Variants in FNDC3B observed in about 807,000 individuals in gnomAD.
The protein encoded by FNDC3B is fibronectin type III domain containing 3B, also known as fibronectin type III domain-containing protein 3B.
A neutral mutation model predicts 151.5 loss-of-function variants in FNDC3B; 12 were observed. The ratio of observed to expected loss-of-function variants is 0.08; its 90% confidence interval spans 0.05 to 0.13. FNDC3B has a LOEUF of 0.13. Ranked by LOEUF, FNDC3B falls within the 10% of genes least tolerant of loss-of-function variation. The probability of loss-of-function intolerance (pLI) is 1.00; values close to 1 mark genes in which losing one functional copy is unlikely to be tolerated. For missense variants in FNDC3B, 1,214 were observed against 1,505.3 expected, an observed-to-expected ratio of 0.81 and a Z score of 3.20; for synonymous variants, 528 against 549.0, an observed-to-expected ratio of 0.96 and a Z score of 0.54.
intron 1 of FNDC3B, among the ~76,000 whole-genome samples, chr3:172,109,877 TG>T (rs1559969976): frequency 6.6e-6 from 1 of 152,306 alleles, no homozygotes; most frequent in African/African-American, 2.4e-5. Flanking sequence ...TTGGTTTATT[TG>T]GGGGGTAAAA....
chr3:172,274,200 C>A (rs1298884460), intron 6 of FNDC3B, among the ~76,000 whole-genome samples: 1 of 152,172 alleles, frequency 6.6e-6, no homozygotes, highest in Non-Finnish European at 1.5e-5. Flanking sequence ...CTTTGGATTT[C>A]CAAACTGACC....
At chr3:172,094,203 A>C (rs983527368) in intron 1 of FNDC3B, among the ~76,000 whole-genome samples, 6 of 146,984 alleles carry the variant, frequency 4.1e-5, no homozygotes, top group Admixed American at 1.4e-4. Flanking sequence ...TGTAACCACC[A>C]CCACTAGCAA....
intron 2 of FNDC3B, among the ~76,000 whole-genome samples, chr3:172,123,805 T>G (rs1576885871): frequency 6.6e-6 from 1 of 152,218 alleles, no homozygotes; most frequent in Admixed American, 6.5e-5. Flanking sequence ...AAAACTATAA[T>G]ATAAAATATT....
Position 172,155,631 on chromosome 3 carries a change from C to T in FNDC3B, c.187+22085C>T, listed in dbSNP as rs779920566. ...CTGGAAGCCATTTTCTCCTATTGCT[C>T]GCCTCTAACTCAGTCAACAGAAGCC... On this transcript the variant is annotated intron_variant, in intron 3 of 25. Transcript: ENST00000415807. Among the ~76,000 whole-genome samples, 23 of 152,164 alleles carry T rather than the reference C, an allele frequency of 1.5e-4. 1 individual carries two copies. Among genetic ancestry groups the T allele is most frequent in the Non-Finnish European group, 2.9e-4 (20 of 68,034 alleles).
At chr3:172,096,571 T>A (rs914018308) in intron 1 of FNDC3B, among the ~76,000 whole-genome samples, 1 of 152,166 alleles carries the variant, frequency 6.6e-6, no homozygotes. Context: ...AAAATGTGAT[T>A]TAGGAACCAG....
intron 22 of FNDC3B, among the ~76,000 whole-genome samples, chr3:172,359,285 A>G (rs1468398787): frequency 6.6e-6 from 1 of 152,164 alleles, no homozygotes; most frequent in Non-Finnish European, 1.5e-5. Context: ...TGAGTATAGA[A>G]TAGAACAACA....
chr3:172,233,546 G>T (rs560434046), intron 4 of FNDC3B, among the ~76,000 whole-genome samples: 5 of 152,344 alleles, frequency 3.3e-5, no homozygotes, highest in African/African-American at 9.6e-5. Flanking sequence ...TGGAGAAACA[G>T]TGGGGCCTGT....
intron 3 of FNDC3B, among the ~76,000 whole-genome samples, chr3:172,159,368 C>T (rs2108614888): frequency 6.6e-6 from 1 of 152,260 alleles, no homozygotes; most frequent in East Asian, 1.9e-4. Flanking sequence ...TCACTGTATC[C>T]CTCCTCCCAC....
chr3:172,292,406 T>C (rs371309868), intron 7 of FNDC3B, among the ~76,000 whole-genome samples: 29 of 152,302 alleles, frequency 1.9e-4, no homozygotes, highest in African/African-American at 5.5e-4. Context: ...AGGGAAAAAG[T>C]GAATGTTATT....
intron 3 of FNDC3B, among the ~76,000 whole-genome samples, chr3:172,198,319 C>G (rs1724956903): frequency 6.6e-6 from 1 of 152,134 alleles, no homozygotes; most frequent in Admixed American, 6.5e-5. Flanking sequence ...CTCCAAAACT[C>G]TTAGTGGATA....
chr3:172,172,234 G>A (rs993764908), intron 3 of FNDC3B, among the ~76,000 whole-genome samples: 8 of 152,068 alleles, frequency 5.3e-5, no homozygotes, highest in Non-Finnish European at 4.4e-5. Flanking sequence ...TCTATTTCTT[G>A]TTTGTTGCTT....
chr3:172,383,843 A>G (rs1034426120), intron 25 of FNDC3B, among the ~76,000 whole-genome samples: 2 of 152,354 alleles, frequency 1.3e-5, no homozygotes, highest in East Asian at 1.9e-4. Flanking sequence ...GGCTTTCATA[A>G]TAGTCCCTAG....
chr3:172,233,671 G>A (rs116049907), intron 4 of FNDC3B, among the ~76,000 whole-genome samples: 60 of 152,266 alleles, frequency 3.9e-4, no homozygotes, highest in African/African-American at 1.4e-3. Context: ...TTAAACCACT[G>A]CTTTGTTTCA....
intron 1 of FNDC3B, among the ~76,000 whole-genome samples, chr3:172,110,764 C>G (rs145755026): frequency 6.6e-6 from 1 of 152,180 alleles, no homozygotes; most frequent in Non-Finnish European, 1.5e-5. Flanking sequence ...GATCCTTATA[C>G]TCAGACCCCC....
chr3:172,136,957 G>A (rs13088148), intron 3 of FNDC3B, among the ~76,000 whole-genome samples: 1 of 152,124 alleles, frequency 6.6e-6, no homozygotes, highest in Non-Finnish European at 1.5e-5. Flanking sequence ...CCTGACCTCA[G>A]CCTTCCAAAG....
intron 11 of FNDC3B, among the ~76,000 whole-genome samples, chr3:172,314,855 C>A (rs549116922): frequency 2.4e-4 from 37 of 152,286 alleles, no homozygotes; most frequent in African/African-American, 8.4e-4. Context: ...AACAGAAACG[C>A]ATTACAGTAC....
chr3:172,263,388 C>T lies in FNDC3B; in HGVS notation c.790+11847C>T, dbSNP rs572492371. ...GCCATATTTTAGGTTCACTGAGTTC[C>T]TCAAAACTATTTAAGTGTCTTGCCA... On this transcript the variant is annotated intron_variant, in intron 6 of 25. Coordinates refer to ENST00000415807, the MANE Select transcript of FNDC3B (RefSeq NM_022763.4). 3.0e-4 allele frequency among the ~76,000 whole-genome samples: 45 copies of T among 152,112 alleles called. No individual in the cohort carries two copies. The South Asian group carries it at 8.9e-3, about 30-fold the overall frequency.
intron 2 of FNDC3B, among the ~76,000 whole-genome samples, chr3:172,116,127 G>A (rs1191316437): frequency 6.6e-6 from 1 of 152,102 alleles, no homozygotes; most frequent in African/African-American, 2.4e-5. Flanking sequence ...AGAGTGAAAA[G>A]GATGATTATT....
intron 3 of FNDC3B, among the ~76,000 whole-genome samples, chr3:172,150,427 G>A (rs1431755145): frequency 6.6e-6 from 1 of 151,998 alleles, no homozygotes; most frequent in East Asian, 1.9e-4. Flanking sequence ...ATGTGTGTGT[G>A]TCTTGACTCC....
Sources: gnomAD v4.1 joint callset for allele counts (sites outside exome capture counted in the v4.1 genomes callset) on GRCh38, gnomAD v4.1.1 for gene constraint, MANE v1.5 for transcripts, NCBI Gene and HGNC (gene_info 2026-07-23, HGNC 2026-07-21) for gene names.